Variants in FBXO4 observed in about 807,000 individuals in gnomAD.
The protein encoded by FBXO4 is F-box only protein 4.
Under a neutral mutation model 43.7 loss-of-function variants are expected in FBXO4, and 36 were observed. That is an observed-to-expected ratio of 0.82 (90% CI 0.63 to 1.09). The LOEUF (loss-of-function observed/expected upper bound fraction) is 1.09. FBXO4 is among the 50% of genes least tolerant of loss of function. FBXO4 has a pLI of 0.00. For missense variants in FBXO4, 435 were observed against 474.1 expected (o/e 0.92, Z 0.77); for synonymous variants, 180 against 165.6 (o/e 1.09, Z -0.67).
chr5:41,957,353 A>AT, the FBXO4 span, among the ~76,000 whole-genome samples: 2 of 150,032 alleles, frequency 1.3e-5, no homozygotes, highest in African/African-American at 4.9e-5. Flanking sequence ...AAATTCACTG[A>AT]TTCCTTCCTC....
chr5:41,927,008 T>G lies in FBXO4; in HGVS notation c.190-5T>G. 6.4e-7 allele frequency: 1 copy of G among 1,562,204 alleles called. No homozygotes were observed. The highest frequency in any genetic ancestry group is 8.7e-7 in the Non-Finnish European group (1 of 1,152,862). On this transcript the variant is annotated splice_region_variant and splice_polypyrimidine_tract_variant and intron_variant, in intron 1 of 6. Coordinates refer to ENST00000281623, the MANE Select transcript of FBXO4 (RefSeq NM_012176.3). ...TTTCCTACCTGCTGCTTTCTTCTGT[T>G]TCAGATTGATGTACAGCTATATATT...
At chr5:42,004,495 A>T in the FBXO4 span, among the ~76,000 whole-genome samples, 7 of 152,202 alleles carry the variant, frequency 4.6e-5, no homozygotes, top group Non-Finnish European at 8.8e-5. Flanking sequence ...ATTAATGAAC[A>T]AAAATAGCAG....
At chr5:41,993,226 A>G in the FBXO4 span, among the ~76,000 whole-genome samples, 1 of 152,172 alleles carries the variant, frequency 6.6e-6, no homozygotes, top group Admixed American at 6.5e-5. Flanking sequence ...GAAGCTTGAT[A>G]ATATTTTCTT....
rs1751628307 is a variant in FBXO4 at position 41,929,888 on chromosome 5, C to T, written c.617C>T (p.Thr206Ile). The T allele has an allele frequency of 6.2e-7, 1 of 1,613,306 alleles. No homozygotes were observed. Among genetic ancestry groups the T allele is most frequent in the Non-Finnish European group, 8.5e-7 (1 of 1,179,848 alleles). ...SLMSSEELCP[T>I]AGLPQRQIDG... The stretch of plus-strand genomic sequence containing the variant: ...ATGTCTTCAGAGGAACTTTGCCCAA[C>T]AGCTGGTTTGCCTCAGAGGCAGATT... Residue 206 changes from threonine (T) to isoleucine (I), a missense_variant, in exon 3 of 7, where the codon ACA (threonine) becomes ATA (isoleucine). By Grantham distance (89) the Thr-to-Ile change is moderately conservative (BLOSUM62 -1). Transcript: ENST00000281623.
chr5:42,027,661 T>C, the FBXO4 span, among the ~76,000 whole-genome samples: 1 of 151,964 alleles, frequency 6.6e-6, no homozygotes, highest in Non-Finnish European at 1.5e-5. Context: ...TTTCCTGTTT[T>C]TTGATGTAGG....
At chr5:41,971,867 T>C in the FBXO4 span, among the ~76,000 whole-genome samples, 1 of 152,070 alleles carries the variant, frequency 6.6e-6, no homozygotes, top group Non-Finnish European at 1.5e-5. Flanking sequence ...TAAATATGTA[T>C]TTTCAAAAAC....
the FBXO4 span, among the ~76,000 whole-genome samples, chr5:41,994,804 C>G: frequency 1.3e-5 from 2 of 152,088 alleles, no homozygotes; most frequent in Non-Finnish European, 2.9e-5. Flanking sequence ...AGCATTCCTC[C>G]CTCTGGAACT....
rs753557222 is a variant in FBXO4 at position 41,934,212 on chromosome 5, C to T, written c.802C>T (p.Gln268Ter). ...MFSRHNEGDD[Q>*]QGSRYSVIPQ... is the part of the protein sequence containing the mutation. Reference sequence around the variant, plus strand: ...CAGTCGACACAATGAAGGTGATGATCAACAAGGAAGCCGGTACAGTGTGAT... The same window carrying T: ...CAGTCGACACAATGAAGGTGATGATTAACAAGGAAGCCGGTACAGTGTGAT... Residue 268 changes from glutamine (Q) to a stop codon, truncating the protein, a stop_gained, in exon 5 of 7, where the codon CAA (glutamine) becomes TAA (stop). Coordinates refer to ENST00000281623, the MANE Select transcript of FBXO4 (RefSeq NM_012176.3). LOFTEE classifies it high-confidence loss of function. 3.1e-6 allele frequency: 5 copies of T among 1,614,050 alleles called. No individual in the cohort carries two copies. The South Asian group carries it at 3.3e-5, about 11-fold the overall frequency.
At chr5:42,025,860 G>A in the FBXO4 span, among the ~76,000 whole-genome samples, 1 of 151,782 alleles carries the variant, frequency 6.6e-6, no homozygotes, top group East Asian at 1.9e-4. Flanking sequence ...TAGGTGTGCA[G>A]GTTTATTTCT....
chr5:41,997,015 T>A, the FBXO4 span, among the ~76,000 whole-genome samples: 1 of 152,218 alleles, frequency 6.6e-6, no homozygotes, highest in East Asian at 1.9e-4. Flanking sequence ...TGAATAAGAT[T>A]ATGACACAAA....
the FBXO4 span, among the ~76,000 whole-genome samples, chr5:42,031,027 A>T: frequency 6.6e-6 from 1 of 152,188 alleles, no homozygotes; most frequent in East Asian, 1.9e-4. Context: ...AAACTAGTTC[A>T]ACCATTGTGG....
chr5:41,944,732 CA>C (rs1292882833), downstream of FBXO4, among the ~76,000 whole-genome samples: 1 of 152,166 alleles, frequency 6.6e-6, no homozygotes, highest in Non-Finnish European at 1.5e-5. Context: ...ATAACCAAAA[CA>C]ACAGCAATTT....
At chr5:41,993,772 A>G in the FBXO4 span, among the ~76,000 whole-genome samples, 1 of 152,168 alleles carries the variant, frequency 6.6e-6, no homozygotes, top group East Asian at 1.9e-4. Flanking sequence ...AAAACTGAGG[A>G]ACTTGGAGTC....
chr5:41,946,056 T>C (rs1289145243), downstream of FBXO4, among the ~76,000 whole-genome samples: 2 of 152,170 alleles, frequency 1.3e-5, no homozygotes, highest in African/African-American at 4.8e-5. Flanking sequence ...TCAAATGACC[T>C]TAAATCCCTC....
chr5:41,993,076 T>C, the FBXO4 span, among the ~76,000 whole-genome samples: 6 of 152,218 alleles, frequency 3.9e-5, no homozygotes, highest in Admixed American at 1.3e-4. Context: ...GACTGAAGTA[T>C]TACTTAGTAG....
chr5:41,954,552 C>T, the FBXO4 span, among the ~76,000 whole-genome samples: 9 of 152,308 alleles, frequency 5.9e-5, no homozygotes, highest in African/African-American at 2.2e-4. Context: ...CCAATCCCTC[C>T]ATTCTGAATT....
chr5:41,933,865 C>T, intron 3 of FBXO4, 81 bp from the exon 4 acceptor site: 2 of 1,162,430 alleles, frequency 1.7e-6, no homozygotes, highest in Non-Finnish European at 2.5e-6. Flanking sequence ...ACTCTTTTTG[C>T]TTTCACCGGG....
chr5:41,966,712 T>G, the FBXO4 span, among the ~76,000 whole-genome samples: 2 of 152,236 alleles, frequency 1.3e-5, no homozygotes, highest in Non-Finnish European at 2.9e-5. Flanking sequence ...TTTTTTCTTT[T>G]TCCTCTTTTC....
At chr5:41,984,611 C>G in the FBXO4 span, among the ~76,000 whole-genome samples, 2 of 152,222 alleles carry the variant, frequency 1.3e-5, no homozygotes, top group African/African-American at 4.8e-5. Context: ...CTTGTTTTCT[C>G]TGCTCTACAG....
Sources: allele counts gnomAD v4.1 joint callset (sites outside exome capture counted in the v4.1 genomes callset), GRCh38; gene constraint gnomAD v4.1.1; transcripts MANE v1.5; gene names NCBI Gene and HGNC (gene_info 2026-07-23, HGNC 2026-07-21).